The following LINGO2 variants were observed in gnomAD, a reference collection of about 807,000 sequenced individuals.
LINGO2 encodes leucine rich repeat and Ig domain containing 2, also known as leucine-rich repeat and immunoglobulin-like domain-containing nogo receptor-interacting protein 2.
Under a neutral mutation model 30.6 loss-of-function variants are expected in LINGO2, and 14 were observed. The observed-to-expected ratio is 0.46, with a 90% CI of 0.30 to 0.72. The LOEUF (loss-of-function observed/expected upper bound fraction) is 0.72, where lower values mean the gene tolerates loss of function less well. Among genes scored for constraint, LINGO2 ranks in the 30% least tolerant of loss-of-function variants. The pLI, the probability that LINGO2 is intolerant of heterozygous loss-of-function variation, is 0.07. For synonymous variants in LINGO2, 317 were observed against 288.5 expected (o/e 1.10, Z -1.00); for missense variants, 729 against 751.7 (o/e 0.97, Z 0.35).
At chr9:27,993,408 C>T (rs962434040) in intron 5 of LINGO2, among the ~76,000 whole-genome samples, 3 of 151,488 alleles carry the variant, frequency 2.0e-5, no homozygotes, top group South Asian at 2.1e-4. Context: ...CATGGTGTCT[C>T]ATGCCTGTAA....
chr9:28,996,665 GTATT>G, the LINGO2 span, among the ~76,000 whole-genome samples: 8 of 152,158 alleles, frequency 5.3e-5, no homozygotes, highest in Non-Finnish European at 1.2e-4. Context: ...GTTTGTTAAA[GTATT>G]CATTCTGAAT....
At chr9:29,043,037 T>A in the LINGO2 span, among the ~76,000 whole-genome samples, 12 of 151,908 alleles carry the variant, frequency 7.9e-5, no homozygotes, top group African/African-American at 2.2e-4. Flanking sequence ...GATCTCTCTG[T>A]ATTTATTTTA....
chr9:28,359,526 G>C (rs935582357), intron 3 of LINGO2, among the ~76,000 whole-genome samples: 4 of 152,038 alleles, frequency 2.6e-5, no homozygotes, highest in African/African-American at 9.7e-5. Flanking sequence ...TTTTATAACT[G>C]TACAATCCAA....
chr9:28,412,446 A>T (rs940336259), intron 2 of LINGO2, among the ~76,000 whole-genome samples: 13 of 152,084 alleles, frequency 8.5e-5, no homozygotes, highest in African/African-American at 3.1e-4. Context: ...AATAAAAATT[A>T]AAAAACATGC....
the LINGO2 span, among the ~76,000 whole-genome samples, chr9:28,744,103 TATA>T: frequency 7.5e-6 from 1 of 134,074 alleles, no homozygotes; most frequent in East Asian, 2.1e-4. Context: ...TATATATATA[TATA>T]TATTTTTTTT....
At chr9:28,623,380 A>T (rs895623602) in intron 1 of LINGO2, among the ~76,000 whole-genome samples, 5 of 152,056 alleles carry the variant, frequency 3.3e-5, no homozygotes, top group African/African-American at 1.2e-4. Flanking sequence ...ATGGAGAGAG[A>T]TAAGGTTCTA....
chr9:28,077,950 G>A lies in LINGO2; in HGVS notation c.-86-65545C>T, dbSNP rs572482546. On this transcript the variant is annotated intron_variant, in intron 4 of 5. Coordinates refer to ENST00000379992, the Ensembl canonical transcript of LINGO2. ...AGCAGGCCTGATTTCATGATTAAGCGTCAACTCTAGAGAATGATGTGGTTG... is the reference window on the plus strand; with the variant it reads ...AGCAGGCCTGATTTCATGATTAAGCATCAACTCTAGAGAATGATGTGGTTG... 6.0e-4 allele frequency among the ~76,000 whole-genome samples: 89 copies of A among 149,134 alleles called. 3 individuals are homozygous for A. The highest frequency in any genetic ancestry group is 1.1e-3 in the Non-Finnish European group (74 of 68,028).
intron 3 of LINGO2, among the ~76,000 whole-genome samples, chr9:28,355,068 T>C (rs1258584333): frequency 1.3e-5 from 2 of 152,130 alleles, no homozygotes; most frequent in Admixed American, 6.6e-5. Flanking sequence ...AAACTAAGTC[T>C]AATAGGAAGA....
intron 4 of LINGO2, among the ~76,000 whole-genome samples, chr9:28,219,709 C>T (rs1224006224): frequency 6.6e-6 from 1 of 152,112 alleles, no homozygotes; most frequent in Middle Eastern, 3.2e-3. Flanking sequence ...GTTAGTTATG[C>T]ATGTTGTAGA....
the LINGO2 span, among the ~76,000 whole-genome samples, chr9:29,173,034 AC>A: frequency 1.3e-5 from 2 of 152,084 alleles, no homozygotes; most frequent in East Asian, 3.9e-4. Context: ...TGAGAAAATC[AC>A]AATTTGGGGT....
At chr9:28,320,181 T>C (rs1356835033) in intron 3 of LINGO2, among the ~76,000 whole-genome samples, 1 of 152,114 alleles carries the variant, frequency 6.6e-6, no homozygotes, top group East Asian at 1.9e-4. Context: ...TCACATAGCT[T>C]AGTTCCATCA....
At chr9:29,176,049 C>T in the LINGO2 span, among the ~76,000 whole-genome samples, 4 of 152,148 alleles carry the variant, frequency 2.6e-5, no homozygotes, top group Admixed American at 2.6e-4. Context: ...TGCACATACT[C>T]CATCCAAAAA....
the LINGO2 span, among the ~76,000 whole-genome samples, chr9:28,780,031 A>G: frequency 2.0e-5 from 3 of 152,144 alleles, no homozygotes; most frequent in South Asian, 6.2e-4. Context: ...AAAACTTCTA[A>G]CTCATTGTTT....
At chr9:28,177,896 AT>A (rs1828792182) in intron 4 of LINGO2, among the ~76,000 whole-genome samples, 1 of 152,184 alleles carries the variant, frequency 6.6e-6, no homozygotes, top group Admixed American at 6.5e-5. Context: ...CGCTGCTGAA[AT>A]TTATTCTACA....
At chr9:28,703,436 T>A in the LINGO2 span, among the ~76,000 whole-genome samples, 6 of 151,892 alleles carry the variant, frequency 4.0e-5, no homozygotes, top group Non-Finnish European at 8.8e-5. Context: ...TCTCCCTTTA[T>A]GTATTTCTAA....
At chr9:28,913,250 A>T in the LINGO2 span, among the ~76,000 whole-genome samples, 1 of 152,104 alleles carries the variant, frequency 6.6e-6, no homozygotes, top group African/African-American at 2.4e-5. Context: ...TGATGTAGTA[A>T]TTATTAATGA....
chr9:27,971,678 G>T (rs186477278), intron 5 of LINGO2, among the ~76,000 whole-genome samples: 9 of 152,204 alleles, frequency 5.9e-5, no homozygotes, highest in South Asian at 4.2e-4. Flanking sequence ...CATGAGCCAC[G>T]GCGCCCGGCC....
chr9:28,537,820 T>C lies in LINGO2; in HGVS notation c.-364-61795A>G, dbSNP rs191392193. Among the ~76,000 whole-genome samples, 30 of 151,416 alleles carry C rather than the reference T, an allele frequency of 2.0e-4. No homozygotes were observed. In the East Asian group the frequency reaches 4.9e-3, roughly 24 times the overall value. On this transcript the variant is annotated intron_variant, in intron 1 of 5. Transcript: ENST00000379992. The stretch of plus-strand genomic sequence containing the variant: ...GGTGGTGAATGAAAATTACCCATAA[T>C]TGAAGAAAGATTGAGTCCTGAAAAA...
intron 4 of LINGO2, among the ~76,000 whole-genome samples, chr9:28,249,954 A>C (rs902267792): frequency 6.6e-6 from 1 of 152,196 alleles, no homozygotes; most frequent in African/African-American, 2.4e-5. Flanking sequence ...GCAAATATTC[A>C]GATAGAAGGG....
Sources: allele counts gnomAD v4.1 joint callset (sites outside exome capture counted in the v4.1 genomes callset), GRCh38; gene constraint gnomAD v4.1.1; transcripts MANE v1.5; gene names NCBI Gene and HGNC (gene_info 2026-07-23, HGNC 2026-07-21).